CNTNAP5: variants seen among roughly 807,000 people sequenced by gnomAD.
CNTNAP5 encodes contactin associated protein family member 5.
A neutral mutation model predicts 150.2 loss-of-function variants in CNTNAP5; 72 were observed. The observed-to-expected ratio is 0.48, with a 90% CI of 0.40 to 0.58. The LOEUF (loss-of-function observed/expected upper bound fraction) is 0.58. CNTNAP5 is among the 20% of genes least tolerant of loss of function. The probability of loss-of-function intolerance (pLI) is 0.00; values close to 1 mark genes in which losing one functional copy is unlikely to be tolerated. For synonymous variants in CNTNAP5, 672 were observed against 619.8 expected, an observed-to-expected ratio of 1.08 and a Z score of -1.25; for missense variants, 1,636 against 1,626.2, an observed-to-expected ratio of 1.01 and a Z score of -0.10.
intron 3 of CNTNAP5, among the ~76,000 whole-genome samples, chr2:124,356,679 G>A (rs1484847730): frequency 6.6e-6 from 1 of 151,952 alleles, no homozygotes; most frequent in Non-Finnish European, 1.5e-5. Context: ...GTGTATATGT[G>A]CCACATTTTC....
chr2:124,833,464 A>G (rs879863344), intron 19 of CNTNAP5, among the ~76,000 whole-genome samples: 9 of 152,156 alleles, frequency 5.9e-5, no homozygotes, highest in Non-Finnish European at 1.0e-4. Context: ...TTCTTCTGGG[A>G]CACCATGATT....
At chr2:124,117,887 C>A (rs1159249964) in intron 1 of CNTNAP5, among the ~76,000 whole-genome samples, 2 of 152,034 alleles carry the variant, frequency 1.3e-5, no homozygotes, top group African/African-American at 2.4e-5. Flanking sequence ...AGCTCAAGAC[C>A]AGCCTGGGTA....
intron 3 of CNTNAP5, among the ~76,000 whole-genome samples, chr2:124,290,334 T>A (rs1377920273): frequency 6.6e-6 from 1 of 152,160 alleles, no homozygotes; most frequent in Non-Finnish European, 1.5e-5. Context: ...ACAATTATTT[T>A]CCACCTTCAT....
intron 19 of CNTNAP5, 50 bp downstream of exon 19, chr2:124,798,370 G>T: frequency 7.7e-7 from 1 of 1,306,798 alleles, no homozygotes; most frequent in Non-Finnish European, 1.1e-6. Context: ...GGGCTGGAGG[G>T]ACGGTGCATG....
intron 1 of CNTNAP5, among the ~76,000 whole-genome samples, chr2:124,062,754 G>A (rs545083533): frequency 7.2e-5 from 11 of 152,214 alleles, no homozygotes; most frequent in South Asian, 4.1e-4. Context: ...CCTATCAGTC[G>A]AGGCCGTGAA....
At chr2:124,500,692 A>G (rs1386233289) in intron 7 of CNTNAP5, among the ~76,000 whole-genome samples, 1 of 152,152 alleles carries the variant, frequency 6.6e-6, no homozygotes, top group African/African-American at 2.4e-5. Context: ...GTCTTTTGCC[A>G]GAAAAAACAG....
At chr2:124,534,826 G>T (rs541327173) in intron 10 of CNTNAP5, among the ~76,000 whole-genome samples, 1 of 152,296 alleles carries the variant, frequency 6.6e-6, no homozygotes, top group African/African-American at 2.4e-5. Context: ...TATCAGCAGG[G>T]TCTTTATGAC....
chr2:124,181,848 T>G (rs1685218142), intron 1 of CNTNAP5, among the ~76,000 whole-genome samples: 1 of 152,196 alleles, frequency 6.6e-6, no homozygotes, highest in Non-Finnish European at 1.5e-5. Context: ...ATGATGATGG[T>G]ATTAATTATG....
intron 12 of CNTNAP5, among the ~76,000 whole-genome samples, chr2:124,644,905 T>TAC (rs3039906): frequency 0.021 from 3,161 of 150,218 alleles, 45 homozygotes; most frequent in South Asian, 0.035. Context: ...CACACACACA[T>TAC]ACACACACAC....
rs144389648 is a variant in CNTNAP5, at chr2:124,138,514, C to T, written c.83-83191C>T. On this transcript the variant is annotated intron_variant, in intron 1 of 23. Coordinates refer to ENST00000682447, the MANE Select transcript of CNTNAP5 (RefSeq NM_001367498.1). ...TGTATGTATGCCTTTTCATGAAGAC[C>T]TTAAAGTTTGTTTGTTTATTTTTTT... is the stretch of plus-strand genomic sequence containing the variant. 7.6e-3 allele frequency among the ~76,000 whole-genome samples: 1,160 copies of T among 152,178 alleles called. 10 individuals are homozygous for T. Among genetic ancestry groups the T allele is most frequent in the African/African-American group, 0.026 (1,082 of 41,524 alleles).
At chr2:124,696,542 G>C (rs146603017) in intron 13 of CNTNAP5, among the ~76,000 whole-genome samples, 1 of 152,032 alleles carries the variant, frequency 6.6e-6, no homozygotes, top group Non-Finnish European at 1.5e-5. Context: ...GGAGCTACTC[G>C]GTGCCTGTCT....
intron 13 of CNTNAP5, among the ~76,000 whole-genome samples, chr2:124,694,863 A>G (rs1225588106): frequency 1.3e-5 from 2 of 152,148 alleles, no homozygotes; most frequent in Non-Finnish European, 2.9e-5. Flanking sequence ...ATTTTCATTT[A>G]CATCAGTGAG....
chr2:124,505,076 A>C (rs1694372551), intron 8 of CNTNAP5, among the ~76,000 whole-genome samples: 1 of 152,136 alleles, frequency 6.6e-6, no homozygotes, highest in Non-Finnish European at 1.5e-5. Context: ...ACTTTGGTTA[A>C]GTGCTTAAAT....
Position 124,687,417 on chromosome 2 carries a change from T to A in CNTNAP5, c.2077+39459T>A, listed in dbSNP as rs180729974. 3.1e-4 allele frequency among the ~76,000 whole-genome samples: 47 copies of A among 152,168 alleles called. No homozygotes were observed. In the East Asian group the frequency reaches 4.5e-3, roughly 14 times the overall value. The stretch of plus-strand genomic sequence containing the variant: ...GTTATTAAGCATTTCATTAGATATG[T>A]TTAACATTCTTTAAGACCTTTTAAA... On this transcript the variant is annotated intron_variant, in intron 13 of 23. Transcript: ENST00000682447.
chr2:124,420,449 A>G (rs1573983540), intron 4 of CNTNAP5, among the ~76,000 whole-genome samples: 1 of 151,988 alleles, frequency 6.6e-6, no homozygotes, highest in South Asian at 2.1e-4. Flanking sequence ...TGCTCTCCCC[A>G]CCTGCTTACC....
At chr2:124,367,571 T>C (rs956116031) in intron 3 of CNTNAP5, among the ~76,000 whole-genome samples, 1 of 152,150 alleles carries the variant, frequency 6.6e-6, no homozygotes, top group African/African-American at 2.4e-5. Context: ...AGCCAAACCA[T>C]ATCACCTGGT....
chr2:124,882,584 T>A (rs1677986229), intron 21 of CNTNAP5, among the ~76,000 whole-genome samples: 1 of 152,100 alleles, frequency 6.6e-6, no homozygotes, highest in Non-Finnish European at 1.5e-5. Context: ...GATGACACAC[T>A]CTGTCTAGCG....
chr2:124,787,452 G>A (rs1035548428), intron 17 of CNTNAP5, among the ~76,000 whole-genome samples: 9 of 152,074 alleles, frequency 5.9e-5, no homozygotes, highest in Admixed American at 2.0e-4. Flanking sequence ...TATCACTTAC[G>A]GGAACTGAAA....
chr2:124,061,113 G>A (rs946379401), intron 1 of CNTNAP5, among the ~76,000 whole-genome samples: 11 of 152,076 alleles, frequency 7.2e-5, no homozygotes, highest in African/African-American at 2.7e-4. Flanking sequence ...GGCCAGGGAA[G>A]CCTAGAGCGA....
Sources: gnomAD v4.1 joint callset for allele counts (sites outside exome capture counted in the v4.1 genomes callset) on GRCh38, gnomAD v4.1.1 for gene constraint, MANE v1.5 for transcripts, NCBI Gene and HGNC (gene_info 2026-07-23, HGNC 2026-07-21) for gene names.